LRRN3: variants seen among roughly 807,000 people sequenced by gnomAD.
The protein encoded by LRRN3 is leucine rich repeat neuronal 3.
A neutral mutation model predicts 40.1 loss-of-function variants in LRRN3; 15 were observed. The ratio of observed to expected loss-of-function variants is 0.37; its 90% CI spans 0.25 to 0.58. LRRN3 has a LOEUF of 0.58. Among genes scored for constraint, LRRN3 ranks in the 20% least tolerant of loss-of-function variants. The pLI, the probability that LRRN3 is intolerant of heterozygous loss-of-function variation, is 0.72. For synonymous variants in LRRN3, 308 were observed against 297.2 expected (o/e 1.04, Z -0.37); for missense variants, 746 against 837.7 (o/e 0.89, Z 1.35).
chr7:111,124,826 A>C lies in LRRN3; in HGVS notation c.2054A>C (p.Glu685Ala). 1 of 1,612,952 alleles carries C rather than the reference A, an allele frequency of 6.2e-7. No homozygotes were observed. Among genetic ancestry groups the C allele is most frequent in the Non-Finnish European group, 8.5e-7 (1 of 1,179,886 alleles). ...ELYPPLINLW[E>A]AGKEKSTSLK... ...TATCCTCCTCTGATAAATCTCTGGG[A>C]AGCAGGAAAAGAAAAAAGTACATCA... is the stretch of plus-strand genomic sequence containing the variant. The change falls in exon 3 of 3, where the codon GAA becomes GCA. Residue 685 changes from glutamate (E) to alanine (A), a missense_variant. Coordinates refer to ENST00000308478, the MANE Select transcript of LRRN3 (RefSeq NM_001099658.2).
intron 1 of LRRN3, among the ~76,000 whole-genome samples, chr7:111,098,012 G>C (rs891577661): frequency 3.3e-5 from 5 of 151,812 alleles, no homozygotes; most frequent in Admixed American, 1.3e-4. Flanking sequence ...GCATTGAAAA[G>C]AAAGTGCAAC....
At chr7:111,105,948 T>C (rs1159884731) in intron 2 of LRRN3, among the ~76,000 whole-genome samples, 2 of 151,848 alleles carry the variant, frequency 1.3e-5, no homozygotes, top group Non-Finnish European at 2.9e-5. Context: ...ACACAACATC[T>C]CAATTCCTAA....
At chr7:111,092,192 C>T (rs1796944388) in intron 1 of LRRN3, among the ~76,000 whole-genome samples, 1 of 152,158 alleles carries the variant, frequency 6.6e-6, no homozygotes, top group Admixed American at 6.5e-5. Context: ...TCTGAAGGGA[C>T]AGTGCAAATG....
intron 2 of LRRN3, among the ~76,000 whole-genome samples, chr7:111,102,592 C>A (rs1798090224): frequency 6.6e-6 from 1 of 151,084 alleles, no homozygotes; most frequent in African/African-American, 2.4e-5. Context: ...TTAAATCAGT[C>A]AAATAAAAGA....
At position 111,124,748 on chromosome 7, in the gene LRRN3, A is replaced by G. The variant is rs1801088325; in HGVS notation, c.1976A>G (p.His659Arg). Residue 659 changes from histidine to arginine, a missense_variant, in exon 3 of 3, where the codon CAC becomes CGC. Coordinates refer to ENST00000308478, the MANE Select transcript of LRRN3 (RefSeq NM_001099658.2). ...LSPEMNCDGG[H>R]SYVRNYLQKP... ...CCAGAAATGAACTGTGATGGTGGAC[A>G]CAGCTATGTGAGGAATTACTTACAG... 1.9e-6 allele frequency: 3 copies of G among 1,613,876 alleles called. No individual in the cohort carries two copies. The highest frequency in any genetic ancestry group is 2.5e-6 in the Non-Finnish European group (3 of 1,179,990).
In LRRN3 at chr7:111,104,977, T is replaced by A. The variant is rs540211605; in HGVS notation, c.-359+5015T>A. On this transcript the variant is annotated intron_variant, in intron 2 of 2. Transcript: ENST00000308478. ...TTCCAAATATAATGGCTGTTACAAG[T>A]GATTTGAGTCTAAAATGTGAATCTA... Among the ~76,000 whole-genome samples the A allele has an allele frequency of 2.0e-4, 30 of 151,808 alleles. No homozygotes were observed. In the East Asian group the frequency reaches 5.0e-3, roughly 25 times the overall value.
chr7:111,093,397 C>T (rs1563233970), intron 1 of LRRN3, among the ~76,000 whole-genome samples: 1 of 152,128 alleles, frequency 6.6e-6, no homozygotes, highest in Non-Finnish European at 1.5e-5. Flanking sequence ...TTTGAGGTAC[C>T]TCCTAAGTTC....
At chr7:111,118,023 T>G (rs1423670055) in intron 2 of LRRN3, among the ~76,000 whole-genome samples, 2 of 152,130 alleles carry the variant, frequency 1.3e-5, no homozygotes, top group Non-Finnish European at 2.9e-5. Context: ...TGATTTTTCA[T>G]AAGTATCACA....
intron 2 of LRRN3, among the ~76,000 whole-genome samples, chr7:111,121,739 C>T (rs1800650018): frequency 2.0e-5 from 3 of 152,056 alleles, no homozygotes; most frequent in Non-Finnish European, 4.4e-5. Flanking sequence ...GGTATATACC[C>T]AAAGGACTAA....
intron 1 of LRRN3, among the ~76,000 whole-genome samples, chr7:111,097,637 T>C (rs551097490): frequency 1.3e-5 from 2 of 152,072 alleles, no homozygotes; most frequent in East Asian, 3.9e-4. Flanking sequence ...AACATACAAT[T>C]CATGTTTTTA....
chr7:111,120,533 G>A (rs1261753950), intron 2 of LRRN3, among the ~76,000 whole-genome samples: 1 of 152,134 alleles, frequency 6.6e-6, no homozygotes, highest in East Asian at 1.9e-4. Context: ...GATGAGATTT[G>A]GGCGGGGACA....
intron 2 of LRRN3, among the ~76,000 whole-genome samples, chr7:111,110,140 A>G (rs117258951): frequency 1.4e-3 from 207 of 152,322 alleles, no homozygotes; most frequent in Middle Eastern, 3.4e-3. Flanking sequence ...GTCTCAAAAA[A>G]TAAAGTCTTT....
rs565301941 is a variant in LRRN3 at position 111,101,352 on chromosome 7, G to A, written c.-359+1390G>A. ...TAATGTCTATAAGATACAACAAGCA[G>A]AATCATATATTCGTGTCTGTGATGA... On this transcript the variant is annotated intron_variant, in intron 2 of 2. Coordinates refer to ENST00000308478, the MANE Select transcript of LRRN3 (RefSeq NM_001099658.2). 2.0e-5 allele frequency among the ~76,000 whole-genome samples: 3 copies of A among 151,476 alleles called. No homozygotes were observed. The South Asian group carries it at 6.2e-4, about 31-fold the overall frequency.
At chr7:111,103,023 A>T (rs1798147111) in intron 2 of LRRN3, among the ~76,000 whole-genome samples, 1 of 151,594 alleles carries the variant, frequency 6.6e-6, no homozygotes, top group African/African-American at 2.4e-5. Flanking sequence ...CTTTTTTAAG[A>T]CTACAGTGTC....
At chr7:111,108,261 A>C (rs1798773334) in intron 2 of LRRN3, among the ~76,000 whole-genome samples, 2 of 152,098 alleles carry the variant, frequency 1.3e-5, no homozygotes, top group African/African-American at 4.8e-5. Flanking sequence ...AGTACTTAAC[A>C]CTCAATTATA....
At chr7:111,100,983 A>T (rs1248705213) in intron 2 of LRRN3, among the ~76,000 whole-genome samples, 1 of 151,560 alleles carries the variant, frequency 6.6e-6, no homozygotes, top group Admixed American at 6.6e-5. Context: ...ATGAACATTT[A>T]TAAGTTTAAA....
Position 111,123,100 on chromosome 7 carries a change from A to G in LRRN3, c.328A>G (p.Ile110Val), listed in dbSNP as rs1173319022. 2.9e-5 allele frequency: 47 copies of G among 1,613,614 alleles called. No individual in the cohort carries two copies. The highest frequency in any genetic ancestry group is 3.9e-5 in the Non-Finnish European group (46 of 1,179,868). Residue 110 changes from isoleucine (I) to valine (V), a missense_variant, in exon 3 of 3, where the codon ATT (isoleucine) becomes GTT (valine). Transcript: ENST00000308478. The surrounding 1 kb of genome is among the most constrained non-coding windows in gnomAD (Gnocchi z 6.4). ...AAACAATTTATCTTCAGTCACCAAT[A>G]TTAATGTAAAAAAGATGCCTCAGCT... ...SQNNLSSVTN[I>V]NVKKMPQLLS...
rs368675635 is a variant in LRRN3 at position 111,104,194 on chromosome 7, G to A, written c.-359+4232G>A. On this transcript the variant is annotated intron_variant, in intron 2 of 2. Coordinates refer to ENST00000308478, the MANE Select transcript of LRRN3 (RefSeq NM_001099658.2). ...ATGCACATACCTGCCTTTACTATTCGCATCTTGAGCCAATTTTGCAGAGTT... is the reference window on the plus strand; with the variant it reads ...ATGCACATACCTGCCTTTACTATTCACATCTTGAGCCAATTTTGCAGAGTT... 5.1e-4 allele frequency among the ~76,000 whole-genome samples: 78 copies of A among 151,480 alleles called. 1 individual carries two copies. Among genetic ancestry groups the A allele is most frequent in the African/African-American group, 1.7e-3 (71 of 41,400 alleles).
chr7:111,113,225 C>T (rs1799452001), intron 2 of LRRN3, among the ~76,000 whole-genome samples: 1 of 152,166 alleles, frequency 6.6e-6, no homozygotes, highest in Non-Finnish European at 1.5e-5. Context: ...ACCTTCTTTA[C>T]AAACCAGTGA....
Sources: allele counts gnomAD v4.1 joint callset (sites outside exome capture counted in the v4.1 genomes callset), GRCh38; gene constraint gnomAD v4.1.1; non-coding constraint Gnocchi (gnomAD v3.1); transcripts MANE v1.5; gene names NCBI Gene and HGNC (gene_info 2026-07-23, HGNC 2026-07-21).